Variants in SPINK13 observed in about 807,000 individuals in gnomAD.
SPINK13 encodes the protein serine peptidase inhibitor Kazal type 13, also known as serine protease inhibitor Kazal-type 13.
A neutral mutation model predicts 11.0 loss-of-function variants in SPINK13; 11 were observed. The ratio of observed to expected loss-of-function variants is 1.00; its 90% CI spans 0.63 to 1.65. The LOEUF is 1.65. SPINK13 is among the 40% of genes most tolerant of loss of function. The pLI, the probability that SPINK13 is intolerant of heterozygous loss-of-function variation, is 0.00. For synonymous variants in SPINK13, 31 were observed against 35.6 expected (o/e 0.87, Z 0.46); for missense variants, 113 against 117.7 (o/e 0.96, Z 0.19).
Position 148,285,979 on chromosome 5 carries a change from C to T in SPINK13, c.237-21C>T, listed in dbSNP as rs747058752. Reference sequence around the variant, plus strand: ...TCACTTTCCTTATGATACTAATCTTCTTTTTTTCTCTTCTCTTTAGGGAAT... The same window carrying T: ...TCACTTTCCTTATGATACTAATCTTTTTTTTTTCTCTTCTCTTTAGGGAAT... On this transcript the variant is annotated intron_variant, in intron 4 of 4. Coordinates refer to ENST00000398450, the MANE Select transcript of SPINK13 (RefSeq NM_001040129.3). The T allele has an allele frequency of 6.6e-6, 9 of 1,363,010 alleles. No individual in the cohort carries two copies. The African/African-American group carries it at 1.1e-4, about 17-fold the overall frequency. 84.4% of individuals were successfully genotyped at this position (1,363,010 alleles called of 1,614,324 possible).
intron 3 of SPINK13, among the ~76,000 whole-genome samples, chr5:148,279,689 C>A (rs112356310): frequency 0.03 from 4,563 of 152,238 alleles, 218 homozygotes; most frequent in African/African-American, 0.1. Flanking sequence ...GTAAACCGAC[C>A]TTTCTCTCTG....
chr5:148,280,822 T>G (rs1756501918), intron 3 of SPINK13, among the ~76,000 whole-genome samples: 1 of 152,204 alleles, frequency 6.6e-6, no homozygotes, highest in Admixed American at 6.5e-5. Context: ...TGCTGGAAGA[T>G]CCACTGCTCT....
intron 4 of SPINK13, among the ~76,000 whole-genome samples, chr5:148,284,617 A>G (rs1045559384): frequency 1.4e-4 from 21 of 152,168 alleles, no homozygotes; most frequent in Admixed American, 1.0e-3. Context: ...TGCCATTTCT[A>G]TATCTCGGGG....
At chr5:148,277,540 GC>G (rs1301164609) in intron 3 of SPINK13, among the ~76,000 whole-genome samples, 1 of 152,166 alleles carries the variant, frequency 6.6e-6, no homozygotes, top group Non-Finnish European at 1.5e-5. Flanking sequence ...ATAATCAAGT[GC>G]TTTTTGTCAT....
chr5:148,283,609 A>C (rs577456540), intron 4 of SPINK13, among the ~76,000 whole-genome samples: 1 of 152,340 alleles, frequency 6.6e-6, no homozygotes, highest in East Asian at 1.9e-4. Flanking sequence ...GTAAAAATGT[A>C]AGTTAACCAG....
intron 4 of SPINK13, among the ~76,000 whole-genome samples, chr5:148,282,563 T>C (rs1016470097): frequency 4.0e-5 from 6 of 151,630 alleles, no homozygotes; most frequent in Non-Finnish European, 8.8e-5. Flanking sequence ...TGAACTTTTT[T>C]TATATGTCAC....
At chr5:148,269,657 C>A (rs1581162725) in intron 1 of SPINK13, among the ~76,000 whole-genome samples, 2 of 152,100 alleles carry the variant, frequency 1.3e-5, no homozygotes, top group Admixed American at 6.5e-5. Flanking sequence ...CTTATGAATT[C>A]TTTACATGTC....
At chr5:148,276,481 G>T (rs765273419) in intron 3 of SPINK13, among the ~76,000 whole-genome samples, 13 of 152,172 alleles carry the variant, frequency 8.5e-5, no homozygotes, top group Non-Finnish European at 1.8e-4. Flanking sequence ...TGTGTGAATT[G>T]TAAGGAAGGG....
In SPINK13 at chr5:148,282,122, A is replaced by G. The variant is rs1756524832; in HGVS notation, c.127A>G (p.Ile43Val). The G allele has an allele frequency of 6.2e-7, 1 of 1,614,088 alleles. No individual in the cohort carries two copies. The highest frequency in any genetic ancestry group is 1.3e-5 in the African/African-American group (1 of 74,942). ...TTTGCAGCCCCGATGTAAAATGTAT[A>G]TCCCACTGGACCCTGATTACAATGC... ...RWPKPRCKMY[I>V]PLDPDYNADC... The change falls in exon 4 of 5, where the codon ATC becomes GTC. Residue 43 changes from isoleucine (I) to valine (V), a missense_variant. Transcript: ENST00000398450.
rs1756328703 is a variant in SPINK13 at position 148,270,103 on chromosome 5, T to A, written c.31T>A (p.Phe11Ile). The change falls in exon 2 of 5, where the codon TTC (phenylalanine) becomes ATC (isoleucine). Residue 11 changes from phenylalanine (F) to isoleucine (I), a missense_variant. Physicochemically the swap from Phe to Ile is conservative, Grantham distance 21 (BLOSUM62 0). Coordinates refer to ENST00000398450, the MANE Select transcript of SPINK13 (RefSeq NM_001040129.3). Reference sequence around the variant, plus strand: ...TGCCTTTCCCCACAAGATTATATTTTTCCTGGTATGCTCTACTTTGACACA... The same window carrying A: ...TGCCTTTCCCCACAAGATTATATTTATCCTGGTATGCTCTACTTTGACACA... Reference protein sequence around the residue: MAAFPHKIIFFLVCSTLTHVA... With the variant: MAAFPHKIIFILVCSTLTHVA... The A allele has an allele frequency of 6.2e-7, 1 of 1,613,998 alleles. No homozygotes were observed. Among genetic ancestry groups the A allele is most frequent in the African/African-American group, 1.3e-5 (1 of 74,948 alleles).
intron 3 of SPINK13, among the ~76,000 whole-genome samples, chr5:148,274,778 C>G (rs1315930510): frequency 6.6e-6 from 1 of 152,066 alleles, no homozygotes; most frequent in Non-Finnish European, 1.5e-5. Flanking sequence ...GGAGGTAAAG[C>G]AGAATAGAAG....
intron 4 of SPINK13, among the ~76,000 whole-genome samples, chr5:148,282,665 C>T (rs555043495): frequency 2.6e-5 from 4 of 152,036 alleles, no homozygotes; most frequent in Non-Finnish European, 4.4e-5. Context: ...CATAGACAAA[C>T]GTATAAACAT....
rs368306605 is a variant in SPINK13 at position 148,282,382 on chromosome 5, G to A, written c.236+151G>A. 47 of 941,764 alleles carry A rather than the reference G, an allele frequency of 5.0e-5. No individual in the cohort carries two copies. In the African/African-American group the frequency reaches 8.4e-4, roughly 17 times the overall value. 58.3% of individuals were successfully genotyped at this position (941,764 alleles called of 1,614,324 possible). A position where few individuals can be genotyped will look rare whatever the true frequency, so the allele number is the denominator to read the frequency against. The stretch of plus-strand genomic sequence containing the variant: ...ACAAAAACTGGGGACAGACTACAGA[G>A]AGAGTGAAGAAAGTCTCCTAGAATT... On this transcript the variant is annotated intron_variant, in intron 4 of 4. Coordinates refer to ENST00000398450, the MANE Select transcript of SPINK13 (RefSeq NM_001040129.3).
intron 2 of SPINK13, 119 bp from the exon 3 acceptor site, chr5:148,274,228 T>C: frequency 1.6e-6 from 1 of 611,642 alleles, no homozygotes. Context: ...ATTAAAATTC[T>C]TTTGTATATA....
intron 3 of SPINK13, among the ~76,000 whole-genome samples, chr5:148,280,047 G>A (rs957864182): frequency 5.3e-5 from 8 of 151,830 alleles, no homozygotes; most frequent in Admixed American, 3.3e-4. Context: ...TTCAATCTCT[G>A]ATATCCTTTC....
At chr5:148,275,226 C>T (rs1341243845) in intron 3 of SPINK13, among the ~76,000 whole-genome samples, 1 of 152,114 alleles carries the variant, frequency 6.6e-6, no homozygotes, top group Non-Finnish European at 1.5e-5. Flanking sequence ...TGAGTGAGAA[C>T]ATATGGTGTT....
chr5:148,277,794 A>T (rs907423312), intron 3 of SPINK13, among the ~76,000 whole-genome samples: 2 of 152,124 alleles, frequency 1.3e-5, no homozygotes, highest in Non-Finnish European at 2.9e-5. Context: ...TCATAAAATG[A>T]GTTAGGGAGG....
chr5:148,270,392 A>ATT (rs993275214), intron 2 of SPINK13, among the ~76,000 whole-genome samples: 1 of 152,132 alleles, frequency 6.6e-6, no homozygotes, highest in East Asian at 1.9e-4. Context: ...GAAAATTGTG[A>ATT]TTTTTTTATT....
intron 2 of SPINK13, 34 bp downstream of exon 2, chr5:148,270,176 C>G: frequency 1.3e-6 from 2 of 1,596,954 alleles, no homozygotes; most frequent in South Asian, 2.2e-5. Context: ...GAGATAAACT[C>G]TGATTTTCTT....
Sources: allele counts gnomAD v4.1 joint callset (sites outside exome capture counted in the v4.1 genomes callset), GRCh38; gene constraint gnomAD v4.1.1; transcripts MANE v1.5; gene names NCBI Gene and HGNC (gene_info 2026-07-23, HGNC 2026-07-21).